Variants in SLC12A7 observed in about 807,000 individuals in gnomAD.
SLC12A7 encodes the protein K-Cl cotransporter 4.
In SLC12A7, 100 loss-of-function variants were observed where a neutral mutation model predicts 120.6. That is an observed-to-expected ratio of 0.83 (90% CI 0.71 to 0.98). SLC12A7 has a LOEUF of 0.98. Ranked by LOEUF, SLC12A7 falls within the 50% of genes least tolerant of loss-of-function variation. The pLI is 0.00. For missense variants in SLC12A7, 1,373 were observed against 1,548.1 expected (o/e 0.89, Z 1.90); for synonymous variants, 760 against 678.0 (o/e 1.12, Z -1.88).
chr5:1,069,860 T>C (rs1737471521), intron 17 of SLC12A7, among the ~76,000 whole-genome samples: 1 of 152,116 alleles, frequency 6.6e-6, no homozygotes, highest in Non-Finnish European at 1.5e-5. Flanking sequence ...CCCGATGTCC[T>C]GGGGCAGCCG....
At chr5:1,100,156 G>T (rs958533347) in intron 1 of SLC12A7, among the ~76,000 whole-genome samples, 39 of 152,262 alleles carry the variant, frequency 2.6e-4, no homozygotes, top group African/African-American at 9.1e-4. Context: ...GACTCAGGCG[G>T]GTGTCTGCAA....
At chr5:1,080,997 CAG>C (rs1230184463) in intron 9 of SLC12A7, among the ~76,000 whole-genome samples, 8 of 144,968 alleles carry the variant, frequency 5.5e-5, no homozygotes, top group Admixed American at 2.0e-4. Context: ...GAGAGAGAGA[CAG>C]AGAGAGAGAC....
At chr5:1,139,699 G>A in the SLC12A7 span, among the ~76,000 whole-genome samples, 2 of 152,210 alleles carry the variant, frequency 1.3e-5, no homozygotes, top group Admixed American at 1.3e-4. Context: ...CTTGACCCTG[G>A]GGTGGCCACG....
chr5:1,143,726 A>G, the SLC12A7 span, among the ~76,000 whole-genome samples: 2 of 152,146 alleles, frequency 1.3e-5, no homozygotes, highest in African/African-American at 2.4e-5. Flanking sequence ...AGCTTCAGAC[A>G]TGTGACCTGC....
chr5:1,061,196 G>A (rs1336948808), intron 20 of SLC12A7, among the ~76,000 whole-genome samples: 2 of 23,302 alleles, frequency 8.6e-5, no homozygotes, highest in African/African-American at 1.1e-4. Context: ...CGCACCCGCC[G>A]TGCGGGATCC....
chr5:1,147,259 G>A, the SLC12A7 span, among the ~76,000 whole-genome samples: 5 of 42,176 alleles, frequency 1.2e-4, no homozygotes, highest in African/African-American at 2.5e-4. Flanking sequence ...CACCCCCCCC[G>A]CCCCCGCCTT....
At chr5:1,093,466 G>T (rs988275808) in intron 3 of SLC12A7, 67 bp downstream of exon 3, 2 of 1,323,010 alleles carry the variant, frequency 1.5e-6, no homozygotes, top group South Asian at 1.3e-5. Context: ...CTGCCTTGCC[G>T]GCGTGATCTA....
chr5:1,055,430 G>C (rs1269676068), intron 22 of SLC12A7, among the ~76,000 whole-genome samples: 1 of 152,210 alleles, frequency 6.6e-6, no homozygotes, highest in Admixed American at 6.5e-5. Context: ...GTCACAGTAA[G>C]CCACGCACAT....
At chr5:1,109,099 C>G (rs569049976) in intron 1 of SLC12A7, among the ~76,000 whole-genome samples, 1 of 152,306 alleles carries the variant, frequency 6.6e-6, no homozygotes, top group African/African-American at 2.4e-5. Flanking sequence ...GAGCCCCAGA[C>G]GAGTGGAAGT....
chr5:1,122,934 C>A, the SLC12A7 span, among the ~76,000 whole-genome samples: 808 of 152,370 alleles, frequency 5.3e-3, 7 homozygotes, highest in Middle Eastern at 0.027. Context: ...CACGTGCGCA[C>A]GCACAAGCCC....
the SLC12A7 span, among the ~76,000 whole-genome samples, chr5:1,119,944 G>T: frequency 6.6e-6 from 1 of 152,248 alleles, no homozygotes; most frequent in South Asian, 2.1e-4. Context: ...AGGCGCACAG[G>T]TGTCACCATG....
chr5:1,133,824 C>T, the SLC12A7 span, among the ~76,000 whole-genome samples: 2,927 of 152,170 alleles, frequency 0.019, 91 homozygotes, highest in African/African-American at 0.067. Flanking sequence ...CCAGTAATCC[C>T]AGGGGAGCCA....
At chr5:1,148,292 C>T in the SLC12A7 span, among the ~76,000 whole-genome samples, 145 of 149,606 alleles carry the variant, frequency 9.7e-4, no homozygotes, top group African/African-American at 3.4e-3. Flanking sequence ...CTGCAAGCTC[C>T]GCCTCCCAGG....
Position 1,083,888 on chromosome 5 carries a change from A to G in SLC12A7, c.986T>C (p.Ile329Thr). The G allele has an allele frequency of 6.2e-7, 1 of 1,608,550 alleles. No homozygotes were observed. Among genetic ancestry groups the G allele is most frequent in the Non-Finnish European group, 8.5e-7 (1 of 1,178,708 alleles). The change falls in exon 8 of 24, where the codon ATC (isoleucine) becomes ACC (threonine). Residue 329 changes from isoleucine (I) to threonine (T), a missense_variant. By Grantham distance (89) the Ile-to-Thr change is moderately conservative. Transcript: ENST00000264930. ...SFDACVKAYG[I>T]HNNSATSALW... ...CGCGGAGGTGGCTGAGTTGTTGTGG[A>G]TGCCGTAGGCCTTGACGCAGGCATC...
At chr5:1,115,189 C>T (rs1207819669), upstream of SLC12A7, among the ~76,000 whole-genome samples, 1 of 152,220 alleles carries the variant, frequency 6.6e-6, no homozygotes, top group Non-Finnish European at 1.5e-5. Flanking sequence ...GGCCTCTTGG[C>T]CGTGTGCAGG....
chr5:1,138,869 A>C, the SLC12A7 span, among the ~76,000 whole-genome samples: 6 of 152,200 alleles, frequency 3.9e-5, no homozygotes, highest in Non-Finnish European at 5.9e-5. Flanking sequence ...GTTCAACTGC[A>C]ACACACAGCT....
intron 9 of SLC12A7, 65 bp from the exon 10 acceptor site, chr5:1,079,561 T>C (rs1344844580): frequency 4.4e-6 from 6 of 1,356,118 alleles, no homozygotes; most frequent in Admixed American, 1.7e-5. Flanking sequence ...TGGCAGCCCC[T>C]GCCCAGAAAG....
At chr5:1,054,185 C>T (rs1735357022) in intron 22 of SLC12A7, among the ~76,000 whole-genome samples, 1 of 152,242 alleles carries the variant, frequency 6.6e-6, no homozygotes, top group African/African-American at 2.4e-5. Context: ...GGCTAAAGGA[C>T]AAGCACTTCC....
At chr5:1,082,801 G>A (rs1363060727) in intron 8 of SLC12A7, among the ~76,000 whole-genome samples, 2 of 146,716 alleles carry the variant, frequency 1.4e-5, no homozygotes, top group South Asian at 4.4e-4. Context: ...TCCCGTCTCA[G>A]GTTCTGGAAA....
Sources: allele counts gnomAD v4.1 joint callset (sites outside exome capture counted in the v4.1 genomes callset), GRCh38; gene constraint gnomAD v4.1.1; transcripts MANE v1.5; gene names NCBI Gene and HGNC (gene_info 2026-07-23, HGNC 2026-07-21).